Variants in WWTR1 observed in about 807,000 individuals in gnomAD.
The protein encoded by WWTR1 is WW domain containing transcription regulator 1.
A neutral mutation model predicts 40.1 loss-of-function variants in WWTR1; 13 were observed. The observed-to-expected ratio is 0.32, with a 90% CI of 0.21 to 0.52. The LOEUF (loss-of-function observed/expected upper bound fraction) is 0.52, where lower values mean the gene tolerates loss of function less well. Ranked by LOEUF, WWTR1 falls within the 20% of genes least tolerant of loss-of-function variation. The pLI is 0.97. For synonymous variants in WWTR1, 230 were observed against 210.1 expected (o/e 1.09, Z -0.82); for missense variants, 436 against 523.1 (o/e 0.83, Z 1.63).
chr3:149,530,402 T>C (rs1735517341), intron 4 of WWTR1, among the ~76,000 whole-genome samples: 1 of 151,968 alleles, frequency 6.6e-6, no homozygotes, highest in South Asian at 2.1e-4. Flanking sequence ...AGTTCTAAAT[T>C]TATATATGGT....
chr3:149,595,480 T>C (rs796946548), intron 2 of WWTR1, among the ~76,000 whole-genome samples: 10 of 151,014 alleles, frequency 6.6e-5, no homozygotes, highest in African/African-American at 2.4e-4. Context: ...TAAAATATCA[T>C]ATATTTTATT....
At chr3:149,552,138 A>G (rs1442345041) in intron 3 of WWTR1, among the ~76,000 whole-genome samples, 1 of 145,222 alleles carries the variant, frequency 6.9e-6, no homozygotes, top group Non-Finnish European at 1.5e-5. Flanking sequence ...ACATTGAACT[A>G]TTCTCTTCCT....
chr3:149,571,214 CTTTTTTTTTTTTTT>C (rs10535515), intron 3 of WWTR1, among the ~76,000 whole-genome samples: 32 of 101,258 alleles, frequency 3.2e-4, no homozygotes, highest in African/African-American at 1.2e-3. Context: ...TTTTTCTTTT[CTTTTTTTTTTTTTT>C]TTTTTTTTGT....
At chr3:149,704,814 T>A, upstream of WWTR1, among the ~76,000 whole-genome samples, 2 of 144,606 alleles carry the variant, frequency 1.4e-5, no homozygotes, top group Non-Finnish European at 3.0e-5. Context: ...AAAAAGCCCC[T>A]ACCAAAGAAG....
At chr3:149,596,270 G>A (rs777703030) in intron 2 of WWTR1, among the ~76,000 whole-genome samples, 2 of 152,202 alleles carry the variant, frequency 1.3e-5, no homozygotes, top group Admixed American at 6.5e-5. Flanking sequence ...CCAAAGACAA[G>A]CCATCATATT....
intron 1 of WWTR1, among the ~76,000 whole-genome samples, chr3:149,678,822 A>ATTT: frequency 7.4e-6 from 1 of 135,554 alleles, no homozygotes; most frequent in African/African-American, 2.7e-5. Flanking sequence ...GTTCACAAGT[A>ATTT]TTTTTTTTTT....
intron 3 of WWTR1, among the ~76,000 whole-genome samples, chr3:149,567,516 A>C (rs766072940): frequency 4.6e-5 from 7 of 152,194 alleles, no homozygotes; most frequent in Non-Finnish European, 8.8e-5. Flanking sequence ...AAAGTGCCCA[A>C]ACAAATATAA....
intron 2 of WWTR1, among the ~76,000 whole-genome samples, chr3:149,592,812 G>A (rs1021013855): frequency 2.0e-5 from 3 of 152,148 alleles, no homozygotes; most frequent in Admixed American, 6.6e-5. Context: ...CACAGCTGCT[G>A]CAAAGCACTC....
At chr3:149,618,668 G>GT (rs1434371785) in intron 2 of WWTR1, among the ~76,000 whole-genome samples, 1 of 152,186 alleles carries the variant, frequency 6.6e-6, no homozygotes, top group Non-Finnish European at 1.5e-5. Flanking sequence ...AAGTACAGGG[G>GT]TTTTGAGGAG....
chr3:149,528,106 C>A, intron 4 of WWTR1, 137 bp from the exon 5 acceptor site: 1 of 1,111,012 alleles, frequency 9.0e-7, no homozygotes, highest in Non-Finnish European at 1.3e-6. Flanking sequence ...CACCAGGCAA[C>A]CATTAGTATT....
Position 149,595,220 on chromosome 3 carries a change from A to G in WWTR1, c.432-22220T>C, listed in dbSNP as rs183281958. 5.3e-5 allele frequency among the ~76,000 whole-genome samples: 8 copies of G among 152,000 alleles called. No individual in the cohort carries two copies. The East Asian group carries it at 1.4e-3, about 26-fold the overall frequency. ...CGTGATCCACTCACCTCGGCCTCCC[A>G]AAGTGCTGGGATTACAGGCATGAGC... On this transcript the variant is annotated intron_variant, in intron 2 of 6. Coordinates refer to ENST00000360632, the MANE Select transcript of WWTR1 (RefSeq NM_015472.6).
chr3:149,547,826 CTT>C (rs751934319), intron 3 of WWTR1, among the ~76,000 whole-genome samples: 5 of 133,296 alleles, frequency 3.8e-5, no homozygotes, highest in African/African-American at 5.5e-5. Context: ...TTCCCTTTTT[CTT>C]TTTTTTTTTT....
At chr3:149,715,654 C>T (rs1484125514) in intron 5 of WWTR1, among the ~76,000 whole-genome samples, 1 of 152,216 alleles carries the variant, frequency 6.6e-6, no homozygotes, top group Non-Finnish European at 1.5e-5. Flanking sequence ...AAAGGCACCA[C>T]CAGCCAAAGA....
chr3:149,710,083 C>T (rs1022269959), intron 5 of WWTR1, among the ~76,000 whole-genome samples: 1 of 152,046 alleles, frequency 6.6e-6, no homozygotes, highest in Non-Finnish European at 1.5e-5. Context: ...GCTGATTCTC[C>T]TCACATAAGA....
At chr3:149,544,414 A>T (rs1227477092) in intron 3 of WWTR1, among the ~76,000 whole-genome samples, 1 of 152,184 alleles carries the variant, frequency 6.6e-6, no homozygotes, top group Non-Finnish European at 1.5e-5. Context: ...CACTGGGCTT[A>T]AACTTGGAAA....
upstream of WWTR1, among the ~76,000 whole-genome samples, chr3:149,660,659 A>G (rs1050885751): frequency 9.2e-5 from 14 of 152,368 alleles, no homozygotes; most frequent in African/African-American, 3.1e-4. Flanking sequence ...TTTCTGGAAC[A>G]AAACAGCTGA....
In WWTR1 at chr3:149,686,072, AG is replaced by A. The variant is rs1714635590; in HGVS notation, c.-107-16182del. On this transcript the variant is annotated intron_variant, in intron 1 of 7. Transcript: ENST00000465804. The stretch of plus-strand genomic sequence containing the variant: ...ATGCCTTCAGCCACAAATAACAGAA[AG>A]CCCTATCTCAGATTGGCTTAAACAA... Among the ~76,000 whole-genome samples, 5 of 152,196 alleles carry A rather than the reference AG, an allele frequency of 3.3e-5. No homozygotes were observed. In the South Asian group the frequency reaches 6.2e-4, roughly 19 times the overall value.
intron 2 of WWTR1, 108 bp downstream of exon 2, chr3:149,656,754 ATCTCTCTCTTTCTC>A (rs1202489763): frequency 1.7e-3 from 1,338 of 767,730 alleles, no homozygotes; most frequent in African/African-American, 7.1e-3. Flanking sequence ...GACACGCACC[ATCTCTCTCTTTCTC>A]TCTCTCTCTC....
At chr3:149,528,982 A>C (rs1344359851) in intron 4 of WWTR1, among the ~76,000 whole-genome samples, 1 of 152,206 alleles carries the variant, frequency 6.6e-6, no homozygotes, top group African/African-American at 2.4e-5. Context: ...AAAGGCTACA[A>C]ATTTACTGAC....
Sources: gnomAD v4.1 joint callset for allele counts (sites outside exome capture counted in the v4.1 genomes callset) on GRCh38, gnomAD v4.1.1 for gene constraint, MANE v1.5 for transcripts, NCBI Gene and HGNC (gene_info 2026-07-23, HGNC 2026-07-21) for gene names.